Variants in BRME1 observed in about 807,000 individuals in gnomAD.
BRME1 encodes the protein break repair meiotic recombinase recruitment factor 1, also known as BRCA2 and MEILB2-associating protein 1.
Under a neutral mutation model 52.6 loss-of-function variants are expected in BRME1, and 31 were observed. The ratio of observed to expected loss-of-function variants is 0.59; its 90% confidence interval spans 0.44 to 0.80. The LOEUF (loss-of-function observed/expected upper bound fraction) is 0.80, where lower values mean the gene tolerates loss of function less well. Among genes scored for constraint, BRME1 ranks in the 30% least tolerant of loss-of-function variants. The pLI is 0.00. For missense variants in BRME1, 804 were observed against 860.3 expected (o/e 0.93, Z 0.82); for synonymous variants, 359 against 353.6 (o/e 1.02, Z -0.17).
intron 2 of BRME1, among the ~76,000 whole-genome samples, chr19:13,899,293 T>G (rs1599352738): frequency 6.6e-6 from 1 of 151,774 alleles, no homozygotes; most frequent in African/African-American, 2.4e-5. Context: ...CGACTACAGG[T>G]GCAAGCCACC....
rs938416868 is a variant in BRME1 at position 13,883,384 on chromosome 19, G to C, written c.1780C>G (p.Gln594Glu). ...KAQPRTFVGI[Q>E]ASEASRMEDA... ...TCCATCCTGGAGGCCTCAGAGGCCT[G>C]GATCCCCACGAAGGTCCTGGCCAGC... The change falls in exon 8 of 9, where the codon CAG becomes GAG. Residue 594 changes from glutamine (Q) to glutamate (E), a missense_variant. Around this residue, in one of 3 missense-constraint regions of BRME1, gnomAD observed 552 missense variants for 561.1 expected, o/e 0.98. Transcript: ENST00000586783. This position sits in a 1 kb window ranked among gnomAD's most constrained non-coding sequence, Gnocchi z 4.2. 3.3e-6 allele frequency: 5 copies of C among 1,534,368 alleles called. No homozygotes were observed. The Admixed American group carries it at 9.8e-5, about 30-fold the overall frequency.
At chr19:13,897,458 T>C (rs1004669503) in intron 2 of BRME1, among the ~76,000 whole-genome samples, 2 of 152,152 alleles carry the variant, frequency 1.3e-5, no homozygotes, top group African/African-American at 4.8e-5. Context: ...CCAGATGCTG[T>C]CCTAAGAACT....
At position 13,889,768 on chromosome 19, in the gene BRME1, G is replaced by T; in HGVS notation, c.1088C>A (p.Ala363Asp). Residue 363 changes from alanine (A) to aspartate (D), a missense_variant, in exon 6 of 9, where the codon GCC becomes GAC. By Grantham distance (126) the Ala-to-Asp change is moderately radical. This residue lies in a region of BRME1 where 552 missense variants were observed against 561.1 expected (regional missense o/e 0.98). Coordinates refer to ENST00000586783, the MANE Select transcript of BRME1 (RefSeq NM_001345843.2). ...GGGAGAGGCAGGTGATATGGCACTG[G>T]CCTGCCCATCGGGCCCAGCCACCTC... ...ALEVAGPDGQ[A>D]SAISPASPRR... 1 of 1,611,392 alleles carries T rather than the reference G, an allele frequency of 6.2e-7. No homozygotes were observed. Among genetic ancestry groups the T allele is most frequent in the Non-Finnish European group, 8.5e-7 (1 of 1,179,662 alleles).
At position 13,895,438 on chromosome 19, in the gene BRME1, TCTG is replaced by T; in HGVS notation, c.137_139del (p.Pro46_Glu47delinsGln). On this transcript the variant is annotated inframe_deletion, in exon 3 of 9. Coordinates refer to ENST00000586783, the MANE Select transcript of BRME1 (RefSeq NM_001345843.2). ...AGAGGGAACAGGTCCCAATTTGCCCTCTGGCTCCTCAGGGTGATGTAAACAGCC... is the reference window on the plus strand; with the variant it reads ...AGAGGGAACAGGTCCCAATTTGCCCTGCTCCTCAGGGTGATGTAAACAGCC... 3 of 1,614,166 alleles carry T rather than the reference TCTG, an allele frequency of 1.9e-6. No homozygotes were observed. The highest frequency in any genetic ancestry group is 2.5e-6 in the Non-Finnish European group (3 of 1,180,030).
chr19:13,903,442 G>A (rs1341056151), intron 2 of BRME1, among the ~76,000 whole-genome samples: 1 of 152,222 alleles, frequency 6.6e-6, no homozygotes, highest in East Asian at 1.9e-4. Context: ...GGAGGCTGAG[G>A]CAGGCAGATC....
At chr19:13,893,007 G>A in intron 4 of BRME1, 117 bp from the exon 5 acceptor site, 1 of 1,355,366 alleles carries the variant, frequency 7.4e-7, no homozygotes, top group Admixed American at 2.0e-5. Context: ...CTCCACCCTT[G>A]CCCTCTGGGC....
intron 2 of BRME1, among the ~76,000 whole-genome samples, chr19:13,903,347 G>A (rs907970931): frequency 6.6e-6 from 1 of 151,986 alleles, no homozygotes; most frequent in South Asian, 2.1e-4. Flanking sequence ...CCCACTAGAT[G>A]TCAGTATAAT....
chr19:13,887,134 C>T (rs1457931970), intron 6 of BRME1, among the ~76,000 whole-genome samples: 12 of 152,230 alleles, frequency 7.9e-5, no homozygotes. Flanking sequence ...GTCCCCTCCT[C>T]TAGCACAGTG....
chr19:13,884,103 G>A (rs1968830759), intron 7 of BRME1, among the ~76,000 whole-genome samples: 1 of 152,154 alleles, frequency 6.6e-6, no homozygotes, highest in African/African-American at 2.4e-5. Flanking sequence ...GGTTTGGGAG[G>A]TCAAGGTGGG....
rs747000381 is a variant in BRME1, at chr19:13,890,340, A to G, written c.516T>C (p.Pro172=). 6.3e-6 allele frequency: 10 copies of G among 1,593,046 alleles called. No homozygotes were observed. The highest frequency in any genetic ancestry group is 8.5e-6 in the Non-Finnish European group (10 of 1,170,246). The change falls in exon 6 of 9, where the codon CCT becomes CCC. Residue 172 remains proline, a synonymous_variant. Transcript: ENST00000586783. ...GCACAGGGCTCTGGCTGCTCTGCTC[A>G]GGGCGGGCACTGTCTGCCTGCGTTG... ...GDPTQADSAR[P]EQSSQSPVQA...
intron 2 of BRME1, among the ~76,000 whole-genome samples, chr19:13,901,405 A>G (rs1970283512): frequency 6.6e-6 from 1 of 152,116 alleles, no homozygotes; most frequent in African/African-American, 2.4e-5. Flanking sequence ...TCGATTTTCC[A>G]ATAAAAACAT....
In BRME1 at chr19:13,883,372, C is replaced by T; in HGVS notation, c.1792G>A (p.Ala598Thr). The T allele has an allele frequency of 1.9e-5, 29 of 1,535,086 alleles. No individual in the cohort carries two copies. Among genetic ancestry groups the T allele is most frequent in the Non-Finnish European group, 2.5e-5 (29 of 1,146,048 alleles). The stretch of plus-strand genomic sequence containing the variant: ...TTGGTGGCATCCTCCATCCTGGAGG[C>T]CTCAGAGGCCTGGATCCCCACGAAG... Reference protein sequence around the residue: ...RTFVGIQASEASRMEDATNVV... With the variant: ...RTFVGIQASETSRMEDATNVV... The change falls in exon 8 of 9, where the codon GCC becomes ACC. Residue 598 changes from alanine to threonine, a missense_variant. This residue lies in a region of BRME1 where 552 missense variants were observed against 561.1 expected (regional missense o/e 0.98). Coordinates refer to ENST00000586783, the MANE Select transcript of BRME1 (RefSeq NM_001345843.2). This position sits in a 1 kb window ranked among gnomAD's most constrained non-coding sequence, Gnocchi z 4.2.
At chr19:13,886,742 T>G (rs1235963890) in intron 6 of BRME1, among the ~76,000 whole-genome samples, 2 of 148,216 alleles carry the variant, frequency 1.3e-5, no homozygotes, top group East Asian at 3.9e-4. Context: ...GGAGGATTGT[T>G]TGAGGCCAAG....
intron 2 of BRME1, among the ~76,000 whole-genome samples, chr19:13,901,697 C>CAA (rs1198719083): frequency 2.4e-5 from 2 of 82,662 alleles, no homozygotes; most frequent in Non-Finnish European, 2.5e-5. Context: ...AGACTGTCTC[C>CAA]AAAAAAAAAA....
At chr19:13,890,652 G>A (rs576122016) in intron 5 of BRME1, among the ~76,000 whole-genome samples, 190 bp from the exon 6 acceptor site, 1 of 152,148 alleles carries the variant, frequency 6.6e-6, no homozygotes, top group African/African-American at 2.4e-5. Flanking sequence ...ATCACTTGAG[G>A]TCAGGAGTTC....
intron 2 of BRME1, 41 bp downstream of exon 2, chr19:13,904,821 C>T (rs754792863): frequency 1.2e-6 from 2 of 1,604,130 alleles, no homozygotes; most frequent in South Asian, 1.1e-5. Flanking sequence ...TTCCCACAAG[C>T]AGAAGCAGAA....
chr19:13,889,099 CT>C (rs1267554138), intron 6 of BRME1, 88 bp downstream of exon 6: 1 of 1,271,518 alleles, frequency 7.9e-7, no homozygotes, highest in Non-Finnish European at 1.1e-6. Context: ...CCAGCTCCCC[CT>C]CTGCCACTGC....
At chr19:13,895,667 T>C in intron 2 of BRME1, 121 bp from the exon 3 acceptor site, 1 of 832,932 alleles carries the variant, frequency 1.2e-6, no homozygotes, top group South Asian at 1.7e-5. Context: ...TCCATTTCAC[T>C]CTCTGCGGGG....
Position 13,890,433 on chromosome 19 carries a change from A to T in BRME1, c.423T>A (p.Ser141Arg). 6.6e-7 allele frequency: 1 copy of T among 1,512,664 alleles called. No homozygotes were observed. Among genetic ancestry groups the T allele is most frequent in the Non-Finnish European group, 8.8e-7 (1 of 1,137,666 alleles). 93.7% of individuals were successfully genotyped at this position (1,512,664 alleles called of 1,614,324 possible). A position where few individuals can be genotyped will look rare whatever the true frequency, so the allele number is the denominator to read the frequency against. The part of the protein sequence containing the change: ...LETIAESSAQ[S>R]PGCQLLVETL... The stretch of plus-strand genomic sequence containing the variant: ...TCTCCACTAGCAGCTGGCATCCTGG[A>T]CTCTGGGCGCTGGACTCTGCGATTG... The change falls in exon 6 of 9, where the codon AGT (serine) becomes AGA (arginine). Residue 141 changes from serine (S) to arginine (R), a missense_variant. This residue lies in a region of BRME1 where 234 missense variants were observed against 258.1 expected (regional missense o/e 0.91). Coordinates refer to ENST00000586783, the MANE Select transcript of BRME1 (RefSeq NM_001345843.2).
Sources: allele counts gnomAD v4.1 joint callset (sites outside exome capture counted in the v4.1 genomes callset), GRCh38; gene constraint gnomAD v4.1.1; regional missense constraint gnomAD v4.1.1; non-coding constraint Gnocchi (gnomAD v3.1); transcripts MANE v1.5; gene names NCBI Gene and HGNC (gene_info 2026-07-23, HGNC 2026-07-21).